The following RBM28 variants were observed in gnomAD, a reference collection of about 807,000 sequenced individuals.
RBM28 encodes the protein RNA binding motif protein 28, also known as RNA-binding protein 28.
Under a neutral mutation model 98.3 loss-of-function variants are expected in RBM28, and 78 were observed. The ratio of observed to expected loss-of-function variants is 0.79; its 90% CI spans 0.66 to 0.96. The LOEUF (loss-of-function observed/expected upper bound fraction) is 0.96. Among genes scored for constraint, RBM28 ranks in the 40% least tolerant of loss-of-function variants. The pLI is 0.00. For missense variants in RBM28, 838 were observed against 913.0 expected, an observed-to-expected ratio of 0.92 and a Z score of 1.06; for synonymous variants, 306 against 330.9, an observed-to-expected ratio of 0.92 and a Z score of 0.82.
Position 128,309,928 on chromosome 7 carries a change from G to C in RBM28, c.*869C>G, listed in dbSNP as rs1795945049. The C allele has an allele frequency of 6.6e-6, 1 of 152,186 alleles. No individual in the cohort carries two copies. The highest frequency in any genetic ancestry group is 1.5e-5 in the Non-Finnish European group (1 of 68,064). The allele number at this position is 152,186 out of a possible 1,614,324, so 9.4% of individuals were successfully genotyped here. The stretch of plus-strand genomic sequence containing the variant: ...AAAGACAAGCAGAGGTGATAGGGCT[G>C]AAGAGCCCAGGGAATCAAATGTTAT... On this transcript the variant is annotated 3_prime_UTR_variant, in exon 19 of 19. Coordinates refer to ENST00000223073, the MANE Select transcript of RBM28 (RefSeq NM_018077.3).
intron 1 of RBM28, among the ~76,000 whole-genome samples, chr7:128,343,266 T>TA (rs1327914180): frequency 2.6e-5 from 4 of 152,116 alleles, no homozygotes; most frequent in Non-Finnish European, 1.5e-5. Flanking sequence ...CGTACAAACT[T>TA]AAAGTTACTA....
intron 6 of RBM28, 99 bp downstream of exon 6, chr7:128,337,032 G>C: frequency 7.6e-7 from 1 of 1,320,550 alleles, no homozygotes; most frequent in Non-Finnish European, 1.1e-6. Flanking sequence ...ACTGCACCCA[G>C]CCTTTTTCTT....
chr7:128,333,837 C>T (rs114814700), intron 8 of RBM28, among the ~76,000 whole-genome samples: 1,556 of 152,278 alleles, frequency 0.01, 20 homozygotes, highest in African/African-American at 0.036. Flanking sequence ...TACTATTTTT[C>T]ACCAACAGAT....
At chr7:128,338,103 G>C (rs1466828134) in intron 5 of RBM28, 147 bp downstream of exon 5, 2 of 691,506 alleles carry the variant, frequency 2.9e-6, no homozygotes, top group Non-Finnish European at 2.6e-6. Flanking sequence ...TCAAGTTCTA[G>C]AGTATTTCAC....
chr7:128,325,372 A>G (rs1226791382), intron 11 of RBM28, among the ~76,000 whole-genome samples: 2 of 152,374 alleles, frequency 1.3e-5, no homozygotes, highest in East Asian at 3.9e-4. Context: ...TACTTACTCA[A>G]GAGGACTTAA....
intron 1 of RBM28, chr7:128,341,014 G>A (rs1584666557): frequency 7.6e-6 from 4 of 528,430 alleles, no homozygotes; most frequent in Middle Eastern, 4.3e-4. Flanking sequence ...AATATCAACT[G>A]TAACCCACCT....
chr7:128,314,517 G>C (rs1190461725), intron 17 of RBM28, among the ~76,000 whole-genome samples: 1 of 152,238 alleles, frequency 6.6e-6, no homozygotes, highest in Non-Finnish European at 1.5e-5. Flanking sequence ...ATCTGGACAA[G>C]AGGAAGCTCT....
Position 128,306,225 on chromosome 7 carries a change from C to G in RBM28, c.*4572G>C, listed in dbSNP as rs1795865613. On this transcript the variant is annotated 3_prime_UTR_variant, in exon 19 of 19. Coordinates refer to ENST00000223073, the MANE Select transcript of RBM28 (RefSeq NM_018077.3). ...CCCCACGGAGATGTTGGGCCTTGAG[C>G]CAGAACTTGAGTGCTGGATAACACT... 6.6e-6 allele frequency: 1 copy of G among 152,206 alleles called. No individual in the cohort carries two copies. Among genetic ancestry groups the G allele is most frequent in the Non-Finnish European group, 1.5e-5 (1 of 68,066 alleles). 9.4% of individuals were successfully genotyped at this position (152,206 alleles called of 1,614,324 possible). A position where few individuals can be genotyped will look rare whatever the true frequency, so the allele number is the denominator to read the frequency against.
In RBM28 at chr7:128,335,852, C is replaced by A; in HGVS notation, c.804G>T (p.Gln268His). The A allele has an allele frequency of 1.2e-6, 2 of 1,614,176 alleles. No individual in the cohort carries two copies. The highest frequency in any genetic ancestry group is 1.7e-6 in the Non-Finnish European group (2 of 1,180,032). Residue 268 changes from glutamine (Q) to histidine (H), a missense_variant, in exon 7 of 19, where the codon CAG becomes CAT. Transcript: ENST00000223073. ...GAACAGGATGAGCTGCTTACCTCTT[C>A]TGAATTTGCACAGGCTTGGTCACCT... ...ESKVTKPVQI[Q>H]KRAVKRPAPA...
At chr7:128,325,117 A>T (rs906033463) in intron 11 of RBM28, among the ~76,000 whole-genome samples, 3 of 152,252 alleles carry the variant, frequency 2.0e-5, no homozygotes, top group African/African-American at 7.2e-5. Flanking sequence ...GATACAGCAA[A>T]CATCAATTAC....
intron 17 of RBM28, among the ~76,000 whole-genome samples, 196 bp from the exon 18 acceptor site, chr7:128,313,470 T>C (rs1334718983): frequency 6.6e-6 from 1 of 152,158 alleles, no homozygotes; most frequent in African/African-American, 2.4e-5. Flanking sequence ...GACCAGCCTA[T>C]GCAACATAGC....
In RBM28 at chr7:128,337,218, G is replaced by C; in HGVS notation, c.542-16C>G. 6.2e-7 allele frequency: 1 copy of C among 1,614,040 alleles called. No individual in the cohort carries two copies. The highest frequency in any genetic ancestry group is 8.5e-7 in the Non-Finnish European group (1 of 1,179,936). On this transcript the variant is annotated splice_polypyrimidine_tract_variant and intron_variant, in intron 5 of 18. Transcript: ENST00000223073. ...ACTGTCCGGCCTGTCAAGCAGAAAA[G>C]TGGCATCAGAAAGGCTCTCCTTTTA...
chr7:128,302,866 G>C lies in RBM28; in HGVS notation c.*7931C>G, dbSNP rs1455009964. 1.3e-5 allele frequency: 2 copies of C among 152,222 alleles called. No individual in the cohort carries two copies. Among genetic ancestry groups the C allele is most frequent in the African/African-American group, 2.4e-5 (1 of 41,406 alleles). 9.4% of individuals were successfully genotyped at this position (152,222 alleles called of 1,614,324 possible). A position where few individuals can be genotyped will look rare whatever the true frequency, so the allele number is the denominator to read the frequency against. On this transcript the variant is annotated 3_prime_UTR_variant, in exon 19 of 19. Coordinates refer to ENST00000223073, the MANE Select transcript of RBM28 (RefSeq NM_018077.3). ...TAGCTCACTGCAGCCTCAAACTCCT[G>C]GGCTCAAGCAATCCTCCTGCCCCAG...
intron 15 of RBM28, 82 bp downstream of exon 15, chr7:128,317,875 G>C (rs1584638684): frequency 2.1e-5 from 33 of 1,579,568 alleles, no homozygotes; most frequent in Non-Finnish European, 2.8e-5. Context: ...TCAAATGTCA[G>C]AGGACACTAG....
chr7:128,322,501 T>C (rs1354894092), intron 13 of RBM28, among the ~76,000 whole-genome samples: 1 of 152,156 alleles, frequency 6.6e-6, no homozygotes, highest in Non-Finnish European at 1.5e-5. Context: ...AACAAATCCC[T>C]TGGAAAACGA....
chr7:128,341,322 C>G, intron 1 of RBM28: 2 of 489,556 alleles, frequency 4.1e-6, no homozygotes, highest in Non-Finnish European at 6.9e-6. Context: ...AAATTCATAG[C>G]CCTTCATGAT....
intron 10 of RBM28, among the ~76,000 whole-genome samples, chr7:128,328,650 T>TA (rs1008341161): frequency 1.3e-5 from 2 of 152,256 alleles, no homozygotes; most frequent in Non-Finnish European, 2.9e-5. Context: ...ACTACTGCAC[T>TA]AAAAAAGAGA....
Position 128,335,930 on chromosome 7 carries a change from T to TTCA in RBM28, c.723_725dup (p.Asp241dup), listed in dbSNP as rs371731521. On this transcript the variant is annotated inframe_insertion, in exon 7 of 19. Transcript: ENST00000223073. ...CTTCATCATCAAAAACCCCATCTTC[T>TTCA]TCATCATCATCATCGTCATCATCAT... is the stretch of plus-strand genomic sequence containing the variant. The TTCA allele has an allele frequency of 2.5e-6, 4 of 1,606,776 alleles. No individual in the cohort carries two copies. The African/African-American group carries it at 4.0e-5, about 16-fold the overall frequency.
At position 128,338,766 on chromosome 7, in the gene RBM28, T is replaced by G. The variant is rs2305322; in HGVS notation, c.408A>C (p.Gln136His). The stretch of plus-strand genomic sequence containing the variant: ...TATTTACTTCCAGGACAGCTCCAAA[T>G]TGAGCAAATACTGTCTTCAAGTCAT... ...SEDDLKTVFA[Q>H]FGAVLEVNIP... The change falls in exon 4 of 19, where the codon CAA (glutamine) becomes CAC (histidine). Residue 136 changes from glutamine (Q) to histidine (H), a missense_variant. By Grantham distance (24) the Gln-to-His change is conservative. Transcript: ENST00000223073. 1.2e-6 allele frequency: 2 copies of G among 1,611,920 alleles called. No individual in the cohort carries two copies.
Sources: allele counts gnomAD v4.1 joint callset (sites outside exome capture counted in the v4.1 genomes callset), GRCh38; gene constraint gnomAD v4.1.1; transcripts MANE v1.5; gene names NCBI Gene and HGNC (gene_info 2026-07-23, HGNC 2026-07-21).